RIPK1: variants seen among roughly 807,000 people sequenced by gnomAD.
The protein encoded by RIPK1 is receptor interacting serine/threonine kinase 1, also known as receptor-interacting serine/threonine-protein kinase 1.
A neutral mutation model predicts 62.4 loss-of-function variants in RIPK1; 27 were observed. The ratio of observed to expected loss-of-function variants is 0.43; its 90% CI spans 0.32 to 0.60. RIPK1 has a LOEUF of 0.60. Ranked by LOEUF, RIPK1 falls within the 20% of genes least tolerant of loss-of-function variation. The pLI is 0.07. For missense variants in RIPK1, 735 were observed against 831.0 expected (o/e 0.88, Z 1.42); for synonymous variants, 287 against 303.2 (o/e 0.95, Z 0.55).
chr6:3,078,047 C>T, intron 3 of RIPK1, 112 bp downstream of exon 3: 2 of 1,056,550 alleles, frequency 1.9e-6, no homozygotes, highest in Non-Finnish European at 2.7e-6. Flanking sequence ...TTGCAAATTG[C>T]TTGGTAGTTT....
At chr6:3,082,459 A>G (rs560585691) in intron 4 of RIPK1, among the ~76,000 whole-genome samples, 78 of 152,224 alleles carry the variant, frequency 5.1e-4, no homozygotes, top group African/African-American at 1.8e-3. Flanking sequence ...CCCTGCCAGC[A>G]CTGTTCTTGT....
At chr6:3,081,716 C>T (rs531528425) in intron 4 of RIPK1, among the ~76,000 whole-genome samples, 3 of 151,868 alleles carry the variant, frequency 2.0e-5, no homozygotes, top group East Asian at 3.9e-4. Flanking sequence ...CAAAATCAGC[C>T]GGGCGTGGTG....
At chr6:3,081,784 G>C (rs1422220074) in intron 4 of RIPK1, among the ~76,000 whole-genome samples, 2 of 146,762 alleles carry the variant, frequency 1.4e-5, no homozygotes, top group African/African-American at 5.1e-5. Flanking sequence ...CGCCTGAACC[G>C]GGGAGGTGGA....
chr6:3,104,855 G>A (rs1368342870), intron 8 of RIPK1, among the ~76,000 whole-genome samples: 2 of 152,182 alleles, frequency 1.3e-5, no homozygotes, highest in East Asian at 1.9e-4. Flanking sequence ...GGACAGAGCT[G>A]CTGCAGATCT....
chr6:3,077,961 A>T, intron 3 of RIPK1, 26 bp downstream of exon 3: 1 of 1,611,132 alleles, frequency 6.2e-7, no homozygotes, highest in Non-Finnish European at 8.5e-7. Flanking sequence ...CCGCACGGGG[A>T]TCCCCAGCGC....
chr6:3,080,997 G>T lies in RIPK1; in HGVS notation c.340G>T (p.Val114Leu). 6.2e-7 allele frequency: 1 copy of T among 1,613,946 alleles called. No homozygotes were observed. The highest frequency in any genetic ancestry group is 8.5e-7 in the Non-Finnish European group (1 of 1,179,912). ...GTTTTAGATGAGTACTCCGCTTTCT[G>T]TAAAAGGAAGGATAATTTTGGAAAT... ...LKAEMSTPLS[V>L]KGRIILEIIE... Residue 114 changes from valine (V) to leucine (L), a missense_variant, in exon 4 of 11, where the codon GTA (valine) becomes TTA (leucine). Around this residue, in one of 2 missense-constraint regions of RIPK1, gnomAD observed 671 missense variants for 726.2 expected, o/e 0.92. Transcript: ENST00000259808.
chr6:3,094,363 T>C (rs1315264111), intron 7 of RIPK1, among the ~76,000 whole-genome samples: 1 of 152,206 alleles, frequency 6.6e-6, no homozygotes, highest in Non-Finnish European at 1.5e-5. Flanking sequence ...TATATTTCAA[T>C]TATGTTCAAA....
Position 3,072,973 on chromosome 6 carries a change from C to A in RIPK1, c.-60-3791C>A, listed in dbSNP as rs1200012048. On this transcript the variant is annotated intron_variant, in intron 1 of 10. Transcript: ENST00000259808. The surrounding 1 kb of genome is among the most constrained non-coding windows in gnomAD (Gnocchi z 5.6). ...GTAGGGCCCTGCTGACAGAGTGATC[C>A]CAGCTGAGAATGTTGGCATTCTCAA... is the stretch of plus-strand genomic sequence containing the variant. 6.6e-6 allele frequency among the ~76,000 whole-genome samples: 1 copy of A among 152,104 alleles called. No homozygotes were observed. The highest frequency in any genetic ancestry group is 2.4e-5 in the African/African-American group (1 of 41,422).
chr6:3,065,219 T>TGCACTCCA (rs375650237), upstream of RIPK1, among the ~76,000 whole-genome samples: 1 of 127,678 alleles, frequency 7.8e-6, no homozygotes, highest in Non-Finnish European at 1.6e-5. Context: ...ATCGCGCCAC[T>TGCACTCCA]GCACTCCAGC....
Position 3,106,038 on chromosome 6 carries a change from C to T in RIPK1, c.1563C>T (p.Ser521=). The T allele has an allele frequency of 6.2e-7, 1 of 1,603,258 alleles. No individual in the cohort carries two copies. The highest frequency in any genetic ancestry group is 8.5e-7 in the Non-Finnish European group (1 of 1,172,360). The change falls in exon 9 of 11, where the codon TCC becomes TCT. Residue 521 remains serine, a synonymous_variant. Transcript: ENST00000259808. The part of the protein sequence containing the change: ...LGNTPTMPFS[S]LPPTDESIKY... ...ATACACCCACCATGCCATTCAGCTC[C>T]TTGCCACCAACAGGTAAATGGGTCT...
At position 3,068,502 on chromosome 6, in the gene RIPK1, C is replaced by G. The variant is rs1758495708; in HGVS notation, c.-220C>G. On this transcript the variant is annotated 5_prime_UTR_variant, in exon 1 of 11. Transcript: ENST00000259808. ...GAGGAGGCAGCGCGAACAGTCCACG[C>G]CCTCCAGCCGGGCGCGCTCGACGCG... 3 of 985,300 alleles carry G rather than the reference C, an allele frequency of 3.0e-6. No individual in the cohort carries two copies. The highest frequency in any genetic ancestry group is 9.4e-5 in the South Asian group (2 of 21,292). 61.0% of individuals were successfully genotyped at this position (985,300 alleles called of 1,614,324 possible).
At chr6:3,095,926 C>CATA (rs1760267554) in intron 7 of RIPK1, among the ~76,000 whole-genome samples, 1 of 150,588 alleles carries the variant, frequency 6.6e-6, no homozygotes, top group Non-Finnish European at 1.5e-5. Flanking sequence ...CTTACTGTAT[C>CATA]CTTGACCTCC....
At chr6:3,082,403 A>G (rs1446688670) in intron 4 of RIPK1, among the ~76,000 whole-genome samples, 1 of 152,190 alleles carries the variant, frequency 6.6e-6, no homozygotes, top group African/African-American at 2.4e-5. Flanking sequence ...CAGAAGTGGA[A>G]CTGGCACCTA....
At chr6:3,064,790 A>T (rs1311110393), upstream of RIPK1, among the ~76,000 whole-genome samples, 1 of 152,146 alleles carries the variant, frequency 6.6e-6, no homozygotes, top group Non-Finnish European at 1.5e-5. Context: ...CGAAGAGGTG[A>T]CTTTGGGAGG....
intron 3 of RIPK1, among the ~76,000 whole-genome samples, chr6:3,080,138 A>G (rs1417547327): frequency 6.6e-6 from 1 of 152,230 alleles, no homozygotes; most frequent in Non-Finnish European, 1.5e-5. Context: ...TAGCTCTGCT[A>G]CGTTATGTCA....
intron 6 of RIPK1, among the ~76,000 whole-genome samples, chr6:3,087,715 A>G (rs1026993343): frequency 6.6e-6 from 1 of 151,674 alleles, no homozygotes; most frequent in Non-Finnish European, 1.5e-5. Flanking sequence ...AATTTTTTGT[A>G]TTTTTAGTAG....
intron 1 of RIPK1, 60 bp downstream of exon 1, chr6:3,068,721 A>AC (rs912028653): frequency 7.8e-5 from 75 of 960,902 alleles, no homozygotes; most frequent in Non-Finnish European, 8.2e-5. Flanking sequence ...AGTCCCGGTG[A>AC]CCCCCCTGGT....
intron 10 of RIPK1, among the ~76,000 whole-genome samples, chr6:3,111,232 T>C (rs1393354242): frequency 6.6e-6 from 1 of 152,130 alleles, no homozygotes; most frequent in African/African-American, 2.4e-5. Context: ...ACATAGTAAG[T>C]TCTATAAAAA....
At position 3,072,377 on chromosome 6, in the gene RIPK1, C is replaced by CT. The variant is rs1758765331; in HGVS notation, c.-61+3719dup. On this transcript the variant is annotated intron_variant, in intron 1 of 10. Coordinates refer to ENST00000259808, the MANE Select transcript of RIPK1 (RefSeq NM_001354930.2). The surrounding 1 kb of genome is among the most constrained non-coding windows in gnomAD (Gnocchi z 5.6). Reference sequence around the variant, plus strand: ...ATGTCTTTTTTATCTGTACTTATATCTTTATCTATTTACATATATATATAT... The same window carrying CT: ...ATGTCTTTTTTATCTGTACTTATATCTTTTATCTATTTACATATATATATAT... 8.2e-6 allele frequency among the ~76,000 whole-genome samples: 1 copy of CT among 122,472 alleles called. No homozygotes were observed. The highest frequency in any genetic ancestry group is 1.7e-5 in the Non-Finnish European group (1 of 58,786). The allele number at this position is 122,472 out of a possible 152,430, so 80.3% of individuals were successfully genotyped here. A position where few individuals can be genotyped will look rare whatever the true frequency, so the allele number is the denominator to read the frequency against.
Sources: gnomAD v4.1 joint callset for allele counts (sites outside exome capture counted in the v4.1 genomes callset) on GRCh38, gnomAD v4.1.1 for gene constraint, gnomAD v4.1.1 regional missense constraint, Gnocchi (gnomAD v3.1) non-coding constraint, MANE v1.5 for transcripts, NCBI Gene and HGNC (gene_info 2026-07-23, HGNC 2026-07-21) for gene names.